Variants in RBFOX1 observed in about 807,000 individuals in gnomAD.
The protein encoded by RBFOX1 is RNA binding fox-1 homolog 1, also known as RNA binding protein fox-1 homolog 1.
Under a neutral mutation model 57.7 loss-of-function variants are expected in RBFOX1, and 8 were observed. That is an observed-to-expected ratio of 0.14 (90% confidence interval 0.08 to 0.25). RBFOX1 has a LOEUF of 0.25. Ranked by LOEUF, RBFOX1 falls within the 10% of genes least tolerant of loss-of-function variation. The pLI, the probability that RBFOX1 is intolerant of heterozygous loss-of-function variation, is 1.00. For synonymous variants in RBFOX1, 326 were observed against 222.4 expected, an observed-to-expected ratio of 1.47 and a Z score of -4.15; for missense variants, 611 against 548.5, an observed-to-expected ratio of 1.11 and a Z score of -1.14.
At chr16:5,686,291 A>G (rs1432935182) in intron 3 of RBFOX1, among the ~76,000 whole-genome samples, 1 of 152,186 alleles carries the variant, frequency 6.6e-6, no homozygotes, top group Non-Finnish European at 1.5e-5. Flanking sequence ...GATGTTTAGT[A>G]ATATCCGTGA....
intron 4 of RBFOX1, among the ~76,000 whole-genome samples, chr16:7,473,203 C>T (rs771506784): frequency 2.6e-5 from 4 of 152,024 alleles, no homozygotes; most frequent in South Asian, 2.1e-4. Context: ...CATGGCAAAA[C>T]GCCATTTCTA....
At chr16:6,920,984 G>A (rs980525170) in intron 3 of RBFOX1, among the ~76,000 whole-genome samples, 2 of 152,144 alleles carry the variant, frequency 1.3e-5, no homozygotes, top group African/African-American at 2.4e-5. Context: ...TATAGTTACT[G>A]GATAAGTTTG....
At chr16:6,895,448 G>GTGTGTGTGTGTGTGTATA (rs869028735) in intron 3 of RBFOX1, among the ~76,000 whole-genome samples, 3 of 54,612 alleles carry the variant, frequency 5.5e-5, no homozygotes, top group African/African-American at 2.6e-4. Flanking sequence ...GTGTGTGTGT[G>GTGTGTGTGTGTGTGTATA]TATATATATA....
At chr16:5,598,986 A>C in exon 3 of RBFOX1, 4 of 1,510,626 alleles carry the variant, frequency 2.6e-6, no homozygotes, top group Non-Finnish European at 3.6e-6. Context: ...TTTGCTGAAC[A>C]GATTAGATTT....
At chr16:6,519,151 G>A (rs1156474827) in intron 2 of RBFOX1, among the ~76,000 whole-genome samples, 1 of 152,058 alleles carries the variant, frequency 6.6e-6, no homozygotes, top group African/African-American at 2.4e-5. Flanking sequence ...TGTCTCTGCA[G>A]TCAAGATATG....
rs561869761 is a variant in RBFOX1, at chr16:7,644,242, A to C, written c.758-9573A>C. On this transcript the variant is annotated intron_variant, in intron 11 of 15. Transcript: ENST00000550418. ...CCATCTCCACCCCAGGAAAGTGAAG[A>C]TAGCAACAATCATGGTTCATATGGT... 3.9e-5 allele frequency among the ~76,000 whole-genome samples: 6 copies of C among 152,302 alleles called. No individual in the cohort carries two copies. The South Asian group carries it at 1.0e-3, about 26-fold the overall frequency.
At chr16:6,326,455 C>A (rs1036026787) in intron 2 of RBFOX1, among the ~76,000 whole-genome samples, 1 of 152,100 alleles carries the variant, frequency 6.6e-6, no homozygotes, top group East Asian at 1.9e-4. Flanking sequence ...GAGAGAGGAC[C>A]AAGGAGTATC....
At position 5,377,327 on chromosome 16, in the gene RBFOX1, T is replaced by C. The variant is rs572766476; in HGVS notation, c.220-89889T>C. On this transcript the variant is annotated intron_variant, in intron 1 of 2. Transcript: ENST00000585867. Reference sequence around the variant, plus strand: ...GAGGGAGGAATGGAACTACTTTTCATGGAGAAGTCAAGAAAGCCCCCTTGA... The same window carrying C: ...GAGGGAGGAATGGAACTACTTTTCACGGAGAAGTCAAGAAAGCCCCCTTGA... 6.6e-5 allele frequency among the ~76,000 whole-genome samples: 10 copies of C among 151,412 alleles called. 1 individual carries two copies. The highest frequency in any genetic ancestry group is 2.2e-4 in the African/African-American group (9 of 40,758).
chr16:5,532,218 G>A (rs911939971), intron 2 of RBFOX1, among the ~76,000 whole-genome samples: 1 of 152,212 alleles, frequency 6.6e-6, no homozygotes. Flanking sequence ...ATGTTGAGCA[G>A]CACCCAGGGC....
Position 7,291,927 on chromosome 16 carries a change from T to C in RBFOX1, c.28-226220T>C, listed in dbSNP as rs576526501. 1.4e-3 allele frequency among the ~76,000 whole-genome samples: 131 copies of C among 95,432 alleles called. 1 individual carries two copies. The highest frequency in any genetic ancestry group is 2.2e-3 in the Non-Finnish European group (96 of 44,180). The allele number at this position is 95,432 out of a possible 152,430, so 62.6% of individuals were successfully genotyped here. A position where few individuals can be genotyped will look rare whatever the true frequency, so the allele number is the denominator to read the frequency against. ...AATGTATTATATATAATATATAATG[T>C]ATTTTATATATTATATATTATGTAT... On this transcript the variant is annotated intron_variant, in intron 4 of 15. Coordinates refer to ENST00000550418, the MANE Select transcript of RBFOX1 (RefSeq NM_018723.4).
chr16:7,216,420 T>C (rs1025722530), intron 4 of RBFOX1, among the ~76,000 whole-genome samples: 2 of 152,118 alleles, frequency 1.3e-5, no homozygotes, highest in African/African-American at 4.8e-5. Context: ...TTTGGGAGGC[T>C]GAGGGAGGAG....
intron 4 of RBFOX1, among the ~76,000 whole-genome samples, chr16:7,367,020 G>A (rs1225108272): frequency 6.6e-6 from 1 of 151,912 alleles, no homozygotes; most frequent in Non-Finnish European, 1.5e-5. Context: ...AATTGCAGAT[G>A]GGTTTTCTGG....
intron 3 of RBFOX1, among the ~76,000 whole-genome samples, chr16:5,672,718 GA>G (rs34943946): frequency 0.87 from 131,910 of 152,006 alleles, 58,575 homozygotes; most frequent in Non-Finnish European, 0.96. Context: ...ATGTCAAGAG[GA>G]AAAAAACTTT....
intron 2 of RBFOX1, among the ~76,000 whole-genome samples, chr16:6,418,012 A>C (rs1480560183): frequency 1.3e-5 from 2 of 152,222 alleles, no homozygotes; most frequent in African/African-American, 4.8e-5. Context: ...ATCAAGATCA[A>C]ATAAGAGACA....
At chr16:7,229,648 AGAGAGGGAGGAAGG>A in intron 4 of RBFOX1, among the ~76,000 whole-genome samples, 1 of 98,358 alleles carries the variant, frequency 1.0e-5, no homozygotes, top group African/African-American at 3.7e-5. Context: ...AGGAAGGGAG[AGAGAGGGAGGAAGG>A]GCAAAGGAAG....
At chr16:6,304,523 G>A (rs1161307960) in intron 1 of RBFOX1, among the ~76,000 whole-genome samples, 9 of 152,154 alleles carry the variant, frequency 5.9e-5, no homozygotes, top group East Asian at 1.9e-4. Context: ...CTACAGAGCC[G>A]TATGCCTGAG....
At chr16:7,521,957 A>T (rs1271338186) in intron 5 of RBFOX1, among the ~76,000 whole-genome samples, 1 of 152,146 alleles carries the variant, frequency 6.6e-6, no homozygotes, top group Non-Finnish European at 1.5e-5. Context: ...TTCAGGCTCC[A>T]GTCACCACCT....
chr16:7,300,199 T>G (rs2095998819), intron 4 of RBFOX1, among the ~76,000 whole-genome samples: 1 of 152,158 alleles, frequency 6.6e-6, no homozygotes, highest in Non-Finnish European at 1.5e-5. Context: ...CTTCTCTGTA[T>G]TACTTACTTT....
chr16:7,280,759 C>G (rs999947922), intron 4 of RBFOX1, among the ~76,000 whole-genome samples: 2 of 152,112 alleles, frequency 1.3e-5, no homozygotes, highest in African/African-American at 2.4e-5. Flanking sequence ...GGCAAAATCC[C>G]TGGCCTTTCC....
Sources: gnomAD v4.1 joint callset for allele counts (sites outside exome capture counted in the v4.1 genomes callset) on GRCh38, gnomAD v4.1.1 for gene constraint, MANE v1.5 for transcripts, NCBI Gene and HGNC (gene_info 2026-07-23, HGNC 2026-07-21) for gene names.